The following ZNF112 variants were observed in gnomAD, a reference collection of about 807,000 sequenced individuals.
ZNF112 encodes zinc finger protein 112.
Under a neutral mutation model 77.7 loss-of-function variants are expected in ZNF112, and 37 were observed. The observed-to-expected ratio is 0.48, with a 90% CI of 0.37 to 0.63. The LOEUF (loss-of-function observed/expected upper bound fraction) is 0.63, where lower values mean the gene tolerates loss of function less well. Ranked by LOEUF, ZNF112 falls within the 20% of genes least tolerant of loss-of-function variation. The pLI, the probability that ZNF112 is intolerant of heterozygous loss-of-function variation, is 0.00. For missense variants in ZNF112, 950 were observed against 1,077.4 expected (o/e 0.88, Z 1.66); for synonymous variants, 333 against 363.6 (o/e 0.92, Z 0.96).
rs775751011 is a variant in ZNF112 at position 44,340,390 on chromosome 19, G to A, written c.124+26C>T. ...AAAGACACCCCAGGAGGCTGCCATT[G>A]AGTAACTAAGGGCACCTATCCTCAC... On this transcript the variant is annotated intron_variant, in intron 2 of 3. Coordinates refer to ENST00000354340, the MANE Select transcript of ZNF112 (RefSeq NM_013380.4). 3 of 1,610,292 alleles carry A rather than the reference G, an allele frequency of 1.9e-6. No homozygotes were observed. In the East Asian group the frequency reaches 6.7e-5, roughly 36 times the overall value.
At chr19:44,343,899 G>A (rs1338084258) in intron 1 of ZNF112, among the ~76,000 whole-genome samples, 1 of 152,224 alleles carries the variant, frequency 6.6e-6, no homozygotes, top group African/African-American at 2.4e-5. Flanking sequence ...CATCTGGACA[G>A]CAGAGATTAC....
intron 1 of ZNF112, among the ~76,000 whole-genome samples, chr19:44,352,181 C>T (rs1178321557): frequency 6.6e-6 from 1 of 151,910 alleles, no homozygotes; most frequent in Non-Finnish European, 1.5e-5. Context: ...CATGACAATG[C>T]AATTGTCAAA....
intron 3 of ZNF112, among the ~76,000 whole-genome samples, chr19:44,333,623 T>C (rs1236163051): frequency 2.0e-5 from 3 of 152,154 alleles, no homozygotes; most frequent in African/African-American, 4.8e-5. Flanking sequence ...TGAAAGCATG[T>C]AGCACTTCCT....
At chr19:44,343,492 C>A (rs1970530869) in intron 1 of ZNF112, among the ~76,000 whole-genome samples, 1 of 152,224 alleles carries the variant, frequency 6.6e-6, no homozygotes. Flanking sequence ...ATGCACGGAG[C>A]AACCTGCACA....
intron 1 of ZNF112, among the ~76,000 whole-genome samples, chr19:44,344,979 A>G (rs922564280): frequency 3.3e-5 from 5 of 152,236 alleles, no homozygotes; most frequent in African/African-American, 1.2e-4. Context: ...TGAGGCATTA[A>G]TATTTTAAGC....
At chr19:44,366,512 G>T (rs913779822) in intron 1 of ZNF112, among the ~76,000 whole-genome samples, 1 of 152,142 alleles carries the variant, frequency 6.6e-6, no homozygotes, top group African/African-American at 2.4e-5. Flanking sequence ...TTAAGGTTCT[G>T]CTGCTAGGAG....
chr19:44,347,506 TAC>T (rs1491390509), intron 1 of ZNF112, among the ~76,000 whole-genome samples: 166 of 99,712 alleles, frequency 1.7e-3, no homozygotes, highest in African/African-American at 2.7e-3. Flanking sequence ...TTTTTTTTTT[TAC>T]TATTCCATTC....
In ZNF112 at chr19:44,329,753, C is replaced by T. The variant is rs2123142096; in HGVS notation, c.404G>A (p.Gly135Asp). The part of the protein sequence containing the change: ...SQLQEQGNSL[G>D]QVWAGIPVQI... ...AACTGGTATTCCTGCCCAAACCTGGCCGAGGGAATTACCTTGTTCTTGCAA... is the reference window on the plus strand; with the variant it reads ...AACTGGTATTCCTGCCCAAACCTGGTCGAGGGAATTACCTTGTTCTTGCAA... The change falls in exon 4 of 4, where the codon GGC (glycine) becomes GAC (aspartate). Residue 135 changes from glycine to aspartate, a missense_variant. Physicochemically the swap from Gly to Asp is moderately conservative, Grantham distance 94 (BLOSUM62 -1). Around this residue, in one of 3 missense-constraint regions of ZNF112, gnomAD observed 560 missense variants for 557.3 expected, o/e 1.00. Transcript: ENST00000354340. 6.2e-7 allele frequency: 1 copy of T among 1,614,026 alleles called. No homozygotes were observed.
intron 1 of ZNF112, among the ~76,000 whole-genome samples, chr19:44,355,871 T>C (rs957225295): frequency 2.6e-5 from 4 of 152,322 alleles, no homozygotes; most frequent in East Asian, 1.9e-4. Flanking sequence ...TCGTCTTCCC[T>C]GAAAAGAAAG....
In ZNF112 at chr19:44,333,574, T is replaced by A. The variant is rs118049002; in HGVS notation, c.220+3049A>T. Among the ~76,000 whole-genome samples the A allele has an allele frequency of 7.1e-3, 1,079 of 152,288 alleles. 35 individuals carry two copies. Among genetic ancestry groups the A allele is most frequent in the Admixed American group, 0.053 (805 of 15,278 alleles). Reference sequence around the variant, plus strand: ...TAATGGTTTAGCACCATCCCCCAAGTGCTGTCTCGTGACAGAGTTCTCAAG... The same window carrying A: ...TAATGGTTTAGCACCATCCCCCAAGAGCTGTCTCGTGACAGAGTTCTCAAG... On this transcript the variant is annotated intron_variant, in intron 3 of 3. Coordinates refer to ENST00000354340, the MANE Select transcript of ZNF112 (RefSeq NM_013380.4).
At chr19:44,341,050 T>C in intron 1 of ZNF112, 1 of 440,396 alleles carries the variant, frequency 2.3e-6, no homozygotes, top group South Asian at 1.6e-5. Flanking sequence ...CTCTGCCCAA[T>C]GCTAGCTCTA....
chr19:44,344,469 AC>A (rs1336175207), intron 1 of ZNF112, among the ~76,000 whole-genome samples: 1 of 152,192 alleles, frequency 6.6e-6, no homozygotes, highest in Non-Finnish European at 1.5e-5. Context: ...TCCAGTAGGC[AC>A]CTGCTCCCTC....
At chr19:44,352,158 G>A (rs1599934967) in intron 1 of ZNF112, among the ~76,000 whole-genome samples, 1 of 152,038 alleles carries the variant, frequency 6.6e-6, no homozygotes, top group Non-Finnish European at 1.5e-5. Flanking sequence ...CTTGATTGTG[G>A]TGGTGAAGTC....
At chr19:44,341,784 T>C (rs1434552241) in intron 1 of ZNF112, among the ~76,000 whole-genome samples, 1 of 152,254 alleles carries the variant, frequency 6.6e-6, no homozygotes, top group East Asian at 1.9e-4. Context: ...TGTAACTTTT[T>C]GCTGTAGGGT....
At chr19:44,347,923 T>TGTG (rs1970625846) in intron 1 of ZNF112, among the ~76,000 whole-genome samples, 2 of 152,156 alleles carry the variant, frequency 1.3e-5, no homozygotes, top group African/African-American at 4.8e-5. Flanking sequence ...TTAGCACAGA[T>TGTG]GTGGCATTTT....
Position 44,329,177 on chromosome 19 carries a change from C to G in ZNF112, c.980G>C (p.Cys327Ser), listed in dbSNP as rs934761990. The G allele has an allele frequency of 1.9e-6, 3 of 1,613,914 alleles. No individual in the cohort carries two copies. Among genetic ancestry groups the G allele is most frequent in the Non-Finnish European group, 2.5e-6 (3 of 1,179,996 alleles). Residue 327 changes from cysteine (C) to serine (S), a missense_variant, in exon 4 of 4, where the codon TGT becomes TCT. Cys to Ser is a moderately radical substitution (Grantham distance 112). Transcript: ENST00000354340. ...RVHTEEKPCK[C>S]GEYGENFNHC... ...ATTGAAGTTCTCACCATATTCACCACATTTGCATGGTTTCTCCTCTGTATG... is the reference window on the plus strand; with the variant it reads ...ATTGAAGTTCTCACCATATTCACCAGATTTGCATGGTTTCTCCTCTGTATG...
chr19:44,359,568 C>T (rs1319723212), upstream of ZNF112, among the ~76,000 whole-genome samples: 3 of 151,892 alleles, frequency 2.0e-5, no homozygotes, highest in African/African-American at 4.8e-5. Context: ...GTGATCCACC[C>T]GCCTCAGCCT....
intron 1 of ZNF112, among the ~76,000 whole-genome samples, chr19:44,354,310 G>A (rs546071842): frequency 5.3e-5 from 8 of 152,090 alleles, no homozygotes; most frequent in Non-Finnish European, 1.0e-4. Flanking sequence ...AACTATGCCT[G>A]TGTTGTAATA....
In ZNF112 at chr19:44,328,658, A is replaced by T; in HGVS notation, c.1499T>A (p.Phe500Tyr). 6.2e-7 allele frequency: 1 copy of T among 1,614,130 alleles called. No homozygotes were observed. Among genetic ancestry groups the T allele is most frequent in the Non-Finnish European group, 8.5e-7 (1 of 1,180,012 alleles). Residue 500 changes from phenylalanine to tyrosine, a missense_variant, in exon 4 of 4, where the codon TTC becomes TAC. This residue lies in a region of ZNF112 where 560 missense variants were observed against 557.3 expected (regional missense o/e 1.00). Coordinates refer to ENST00000354340, the MANE Select transcript of ZNF112 (RefSeq NM_013380.4). The part of the protein sequence containing the change: ...EKPRKEHGNG[F>Y]NWSSKLKDHQ... ...ATCTTTAAGTTTTGAGCTCCAGTTGAAGCCATTCCCATGCTCCTTACGTGG... is the reference window on the plus strand; with the variant it reads ...ATCTTTAAGTTTTGAGCTCCAGTTGTAGCCATTCCCATGCTCCTTACGTGG...
Sources: gnomAD v4.1 joint callset for allele counts (sites outside exome capture counted in the v4.1 genomes callset) on GRCh38, gnomAD v4.1.1 for gene constraint, gnomAD v4.1.1 regional missense constraint, MANE v1.5 for transcripts, NCBI Gene and HGNC (gene_info 2026-07-23, HGNC 2026-07-21) for gene names.